SHLD2: variants seen among roughly 807,000 people sequenced by gnomAD.
SHLD2 encodes RINN1-REV7-interacting novel NHEJ regulator 2.
Under a neutral mutation model 73.2 loss-of-function variants are expected in SHLD2, and 30 were observed. The ratio of observed to expected loss-of-function variants is 0.41; its 90% CI spans 0.31 to 0.56. SHLD2 has a LOEUF of 0.56. Ranked by LOEUF, SHLD2 falls within the 20% of genes least tolerant of loss-of-function variation. SHLD2 has a pLI of 0.28. For synonymous variants in SHLD2, 285 were observed against 370.1 expected (o/e 0.77, Z 2.64); for missense variants, 745 against 1,055.9 (o/e 0.71, Z 4.08).
At chr10:87,163,283 T>C (rs1846952394) in intron 4 of SHLD2, among the ~76,000 whole-genome samples, 1 of 151,868 alleles carries the variant, frequency 6.6e-6, no homozygotes, top group Admixed American at 6.6e-5. Context: ...GGTTTATTTG[T>C]GGAAAGAAAA....
intron 2 of SHLD2, among the ~76,000 whole-genome samples, chr10:87,141,928 G>T (rs1271574115): frequency 4.6e-5 from 7 of 151,790 alleles, no homozygotes; most frequent in African/African-American, 1.7e-4. Context: ...CTACTCGGGA[G>T]ACTGAGGCGG....
At chr10:87,113,793 G>A (rs1272631029) in intron 2 of SHLD2, among the ~76,000 whole-genome samples, 1 of 152,120 alleles carries the variant, frequency 6.6e-6, no homozygotes, top group Non-Finnish European at 1.5e-5. Context: ...ATCACTTGAG[G>A]CCAGGAGTTC....
In SHLD2 at chr10:87,191,052, A is replaced by C. The variant is rs535682905; in HGVS notation, c.*369A>C. The C allele has an allele frequency of 1.9e-5, 5 of 260,804 alleles. No homozygotes were observed. In the South Asian group the frequency reaches 2.0e-4, roughly 10 times the overall value. The allele number at this position is 260,804 out of a possible 1,614,324, so 16.2% of individuals were successfully genotyped here. A position where few individuals can be genotyped will look rare whatever the true frequency, so the allele number is the denominator to read the frequency against. On this transcript the variant is annotated 3_prime_UTR_variant, in exon 10 of 10. Transcript: ENST00000298786. Reference sequence around the variant, plus strand: ...AAGACATTCCCTCAGAAACTGCTGCAGTGCTTTCGCTTATCCCTACCTAAA... The same window carrying C: ...AAGACATTCCCTCAGAAACTGCTGCCGTGCTTTCGCTTATCCCTACCTAAA...
chr10:87,100,065 C>T (rs1006945300), intron 2 of SHLD2, among the ~76,000 whole-genome samples: 2 of 151,862 alleles, frequency 1.3e-5, no homozygotes, highest in African/African-American at 4.8e-5. Flanking sequence ...TTATATTTTC[C>T]CATTTTTCAT....
Position 87,176,205 on chromosome 10 carries a change from T to A in SHLD2, c.2170+110T>A. 2.2e-6 allele frequency: 3 copies of A among 1,344,840 alleles called. No homozygotes were observed. In the South Asian group the frequency reaches 4.0e-5, roughly 18 times the overall value. 83.3% of individuals were successfully genotyped at this position (1,344,840 alleles called of 1,614,324 possible). A position where few individuals can be genotyped will look rare whatever the true frequency, so the allele number is the denominator to read the frequency against. ...GGTGTGAACACAGCTCACTGCAGTC[T>A]CCACCTCCCAGGTTTAAGTGATTCT... On this transcript the variant is annotated intron_variant, in intron 7 of 9. Coordinates refer to ENST00000298786, the MANE Select transcript of SHLD2 (RefSeq NM_001330112.2).
intron 2 of SHLD2, among the ~76,000 whole-genome samples, chr10:87,127,887 T>C (rs1844149831): frequency 6.6e-6 from 1 of 152,066 alleles, no homozygotes; most frequent in African/African-American, 2.4e-5. Context: ...TGCATTTGGC[T>C]GGAGTTATGA....
At chr10:87,157,490 C>T (rs1323626036) in intron 3 of SHLD2, among the ~76,000 whole-genome samples, 1 of 152,174 alleles carries the variant, frequency 6.6e-6, no homozygotes, top group Non-Finnish European at 1.5e-5. Context: ...CTCTATCCGT[C>T]TTAGATATAC....
chr10:87,105,266 T>C (rs905589215), intron 2 of SHLD2, among the ~76,000 whole-genome samples: 1 of 152,232 alleles, frequency 6.6e-6, no homozygotes, highest in Non-Finnish European at 1.5e-5. Context: ...TCTATAATGC[T>C]GTTAAAAACA....
intron 7 of SHLD2, among the ~76,000 whole-genome samples, chr10:87,179,636 C>T (rs1443432877): frequency 2.0e-5 from 3 of 152,136 alleles, no homozygotes; most frequent in Non-Finnish European, 4.4e-5. Context: ...CTCCTGACCT[C>T]GTGATCTGCC....
Position 87,152,017 on chromosome 10 carries a change from G to A in SHLD2, c.663G>A (p.Lys221=), listed in dbSNP as rs1846049611. The A allele has an allele frequency of 6.2e-7, 1 of 1,611,816 alleles. No individual in the cohort carries two copies. The highest frequency in any genetic ancestry group is 1.3e-5 in the African/African-American group (1 of 74,862). ...TATTTTCCTCGAACGCAGTAGATAA[G>A]TCAAGGTCTGAAGCAGCAGTTAGGA... ...LGLFSSNAVD[K]SRSEAAVRKV... The change falls in exon 3 of 10, where the codon AAG becomes AAA. Residue 221 remains lysine, a synonymous_variant. Coordinates refer to ENST00000298786, the MANE Select transcript of SHLD2 (RefSeq NM_001330112.2).
At chr10:87,139,673 C>G (rs1228174332) in intron 2 of SHLD2, among the ~76,000 whole-genome samples, 1 of 152,108 alleles carries the variant, frequency 6.6e-6, no homozygotes, top group Non-Finnish European at 1.5e-5. Context: ...ACTAAAAATA[C>G]AAAAATTAGC....
chr10:87,097,793 T>C (rs941057609), intron 2 of SHLD2, among the ~76,000 whole-genome samples: 1 of 152,138 alleles, frequency 6.6e-6, no homozygotes, highest in Non-Finnish European at 1.5e-5. Context: ...ACAGTCTTGC[T>C]CTGTTGCCCA....
chr10:87,112,794 C>T (rs1334148561), intron 2 of SHLD2, among the ~76,000 whole-genome samples: 1 of 151,336 alleles, frequency 6.6e-6, no homozygotes, highest in African/African-American at 2.4e-5. Context: ...TTATAGGGTT[C>T]CTTACTGATA....
At chr10:87,127,432 A>G (rs1293118809) in intron 2 of SHLD2, among the ~76,000 whole-genome samples, 4 of 149,964 alleles carry the variant, frequency 2.7e-5, no homozygotes, top group Admixed American at 2.0e-4. Context: ...CAGTAGAACA[A>G]GAATCTTTAG....
intron 2 of SHLD2, among the ~76,000 whole-genome samples, chr10:87,135,027 T>G (rs1169936175): frequency 6.6e-6 from 1 of 152,144 alleles, no homozygotes. Context: ...TTTTTCTTTC[T>G]TTTTTAAAAT....
At chr10:87,172,769 A>G (rs1172299337) in intron 6 of SHLD2, among the ~76,000 whole-genome samples, 2 of 152,124 alleles carry the variant, frequency 1.3e-5, no homozygotes, top group South Asian at 2.1e-4. Context: ...AATTTTCAAG[A>G]AAACCCTTTA....
At chr10:87,162,568 C>T (rs984961445) in intron 4 of SHLD2, among the ~76,000 whole-genome samples, 7 of 152,082 alleles carry the variant, frequency 4.6e-5, no homozygotes, top group Non-Finnish European at 1.0e-4. Flanking sequence ...GTGGTGCATG[C>T]CTATGGTCCC....
chr10:87,159,390 C>T lies in SHLD2; in HGVS notation c.1633+1235C>T, dbSNP rs567349572. On this transcript the variant is annotated intron_variant, in intron 4 of 9. Coordinates refer to ENST00000298786, the MANE Select transcript of SHLD2 (RefSeq NM_001330112.2). The stretch of plus-strand genomic sequence containing the variant: ...TATTATGTGTTGACATTGTTTCAGG[C>T]ACTGTGTTTACTGTACACTGGGGGT... Among the ~76,000 whole-genome samples the T allele has an allele frequency of 3.5e-4, 54 of 152,210 alleles. No individual in the cohort carries two copies. The South Asian group carries it at 0.011, about 31-fold the overall frequency.
intron 9 of SHLD2, 34 bp from the exon 10 acceptor site, chr10:87,190,450 G>C (rs746577798): frequency 6.3e-7 from 1 of 1,577,024 alleles, no homozygotes; most frequent in East Asian, 2.2e-5. Context: ...AGCTAGCAGC[G>C]ATCTTGGGAG....
Sources: gnomAD v4.1 joint callset for allele counts (sites outside exome capture counted in the v4.1 genomes callset) on GRCh38, gnomAD v4.1.1 for gene constraint, MANE v1.5 for transcripts, NCBI Gene and HGNC (gene_info 2026-07-23, HGNC 2026-07-21) for gene names.